SMAGP: variants seen among roughly 807,000 people sequenced by gnomAD.
SMAGP encodes the protein small cell adhesion glycoprotein.
SMAGP carries 7 observed loss-of-function variants against 10.1 expected under a neutral mutation model. The observed-to-expected ratio is 0.70, with a 90% CI of 0.40 to 1.31. SMAGP has a LOEUF of 1.31. Ranked by LOEUF, SMAGP falls within the 50% of genes most tolerant of loss-of-function variation. The pLI is 0.01. For synonymous variants in SMAGP, 49 were observed against 47.2 expected (o/e 1.04, Z -0.16); for missense variants, 113 against 116.5 (o/e 0.97, Z 0.14).
chr12:51,266,945 G>T (rs1435077371), intron 2 of SMAGP, among the ~76,000 whole-genome samples: 4 of 152,132 alleles, frequency 2.6e-5, no homozygotes, highest in African/African-American at 9.7e-5. Flanking sequence ...GCGAAACCCT[G>T]TCTCCACTAA....
At chr12:51,254,275 G>A (rs888424218) in intron 2 of SMAGP, among the ~76,000 whole-genome samples, 16 of 152,186 alleles carry the variant, frequency 1.1e-4, no homozygotes, top group African/African-American at 3.9e-4. Flanking sequence ...AAGGCCGGGC[G>A]CGGTGGCTCA....
chr12:51,269,388 G>A lies in SMAGP; in HGVS notation c.-38-72C>T, dbSNP rs1365555086. The A allele has an allele frequency of 3.2e-6, 4 of 1,252,334 alleles. No individual in the cohort carries two copies. The East Asian group carries it at 7.0e-5, about 22-fold the overall frequency. The allele number at this position is 1,252,334 out of a possible 1,614,324, so 77.6% of individuals were successfully genotyped here. On this transcript the variant is annotated intron_variant, in intron 1 of 3. Coordinates refer to ENST00000603798, the MANE Select transcript of SMAGP (RefSeq NM_001031628.2). ...TGGCTTTGAGTCCTGGAAGTCCCAGGAAAGCCTCTGGTGCCAGGTTCTCCC... is the reference window on the plus strand; with the variant it reads ...TGGCTTTGAGTCCTGGAAGTCCCAGAAAAGCCTCTGGTGCCAGGTTCTCCC...
intron 1 of SMAGP, chr12:51,269,642 G>T: frequency 4.7e-6 from 1 of 213,132 alleles, no homozygotes; most frequent in Non-Finnish European, 9.6e-6. Flanking sequence ...AGCGAACCCA[G>T]TTTCGCCAAA....
chr12:51,248,900 C>CAAAAAAAAAAA (rs545881552), intron 2 of SMAGP, among the ~76,000 whole-genome samples: 7 of 95,628 alleles, frequency 7.3e-5, no homozygotes, highest in Non-Finnish European at 9.9e-5. Flanking sequence ...AAAAATACCA[C>CAAAAAAAAAAA]AAAAAAAAAA....
intron 2 of SMAGP, among the ~76,000 whole-genome samples, chr12:51,262,789 G>A (rs1450021004): frequency 6.6e-6 from 1 of 152,132 alleles, no homozygotes; most frequent in African/African-American, 2.4e-5. Context: ...CTTGTTCCCA[G>A]CTTGAGCTAA....
chr12:51,264,991 A>T (rs184812336), intron 2 of SMAGP, among the ~76,000 whole-genome samples: 1,735 of 141,328 alleles, frequency 0.012, 79 homozygotes, highest in Admixed American at 0.082. Context: ...TCAATTTTTT[A>T]AAAAAAATTT....
rs985367848 is a variant in SMAGP, at chr12:51,269,140, A to G, written c.34+105T>C. 1.7e-5 allele frequency: 21 copies of G among 1,213,320 alleles called. No individual in the cohort carries two copies. In the African/African-American group the frequency reaches 2.8e-4, roughly 16 times the overall value. 75.2% of individuals were successfully genotyped at this position (1,213,320 alleles called of 1,614,324 possible). ...CCCTTCCTGTGTGAGGCAGGCAGAG[A>G]GAGGTGGGAGTCTTCCCACCTGGGC... On this transcript the variant is annotated intron_variant, in intron 2 of 3. Coordinates refer to ENST00000603798, the MANE Select transcript of SMAGP (RefSeq NM_001031628.2).
At chr12:51,267,574 A>T (rs1565661433) in intron 2 of SMAGP, among the ~76,000 whole-genome samples, 1 of 143,694 alleles carries the variant, frequency 7.0e-6, no homozygotes, top group Non-Finnish European at 1.5e-5. Context: ...GCTCATTGCA[A>T]CCTCCATCTC....
At chr12:51,270,101 T>C (rs1218106573) in intron 1 of SMAGP, 155 bp downstream of exon 1, 1 of 151,680 alleles carries the variant, frequency 6.6e-6, no homozygotes, top group Non-Finnish European at 1.5e-5. Flanking sequence ...GGCCGGTGCG[T>C]CGGGGAGCGG....
At chr12:51,269,511 C>T in intron 1 of SMAGP, 195 bp from the exon 2 acceptor site, 2 of 558,372 alleles carry the variant, frequency 3.6e-6, no homozygotes, top group Non-Finnish European at 6.4e-6. Flanking sequence ...AGGTCTGAGG[C>T]CGCATGCAGT....
intron 2 of SMAGP, among the ~76,000 whole-genome samples, chr12:51,266,428 G>A (rs1489000160): frequency 6.7e-6 from 1 of 149,224 alleles, no homozygotes; most frequent in Admixed American, 6.7e-5. Context: ...CCAACAAGAA[G>A]TGCTTCCTTT....
intron 2 of SMAGP, among the ~76,000 whole-genome samples, chr12:51,260,302 T>C (rs1237162907): frequency 6.6e-6 from 1 of 150,504 alleles, no homozygotes; most frequent in Non-Finnish European, 1.5e-5. Flanking sequence ...GCGATTCTCC[T>C]GCCTTAACCT....
intron 2 of SMAGP, chr12:51,251,610 A>T (rs1944839480): frequency 6.6e-6 from 1 of 151,734 alleles, no homozygotes; most frequent in Non-Finnish European, 1.5e-5. Context: ...AAAAAAAAGA[A>T]TAAAGGTGGG....
chr12:51,258,995 A>C (rs113687621), intron 2 of SMAGP, among the ~76,000 whole-genome samples: 8 of 145,618 alleles, frequency 5.5e-5, no homozygotes, highest in African/African-American at 1.9e-4. Context: ...AAAAAAAAAA[A>C]AAAAAAAAAA....
intron 2 of SMAGP, among the ~76,000 whole-genome samples, chr12:51,265,657 A>G (rs943320197): frequency 2.0e-5 from 3 of 152,248 alleles, no homozygotes; most frequent in Non-Finnish European, 4.4e-5. Flanking sequence ...TACCTAGAGC[A>G]GTCAAATTTA....
chr12:51,265,739 T>C (rs1013909399), intron 2 of SMAGP, among the ~76,000 whole-genome samples: 1 of 151,990 alleles, frequency 6.6e-6, no homozygotes, highest in Admixed American at 6.6e-5. Flanking sequence ...AAGTTTCGGT[T>C]TGGGAAGGTA....
chr12:51,267,808 CTT>C (rs1944989495), intron 2 of SMAGP, among the ~76,000 whole-genome samples: 1 of 152,108 alleles, frequency 6.6e-6, no homozygotes, highest in African/African-American at 2.4e-5. Context: ...TCTTTTATCT[CTT>C]CTCACCAGAC....
At position 51,246,070 on chromosome 12, in the gene SMAGP, G is replaced by A; in HGVS notation, c.165C>T (p.Ile55=). The A allele has an allele frequency of 2.5e-6, 4 of 1,613,940 alleles. No homozygotes were observed. Among genetic ancestry groups the A allele is most frequent in the Non-Finnish European group, 3.4e-6 (4 of 1,179,862 alleles). ...CTTTGTTCTTGTACAGGTAAAAGAA[G>A]ATCAAGATCACGACCGAGAGCAGGG... ...FLTLLSVVIL[I]FFYLYKNKGS... The change falls in exon 4 of 4, where the codon ATC becomes ATT. Residue 55 remains isoleucine (I), a synonymous_variant. Coordinates refer to ENST00000603798, the MANE Select transcript of SMAGP (RefSeq NM_001031628.2).
intron 1 of SMAGP, 78 bp from the exon 2 acceptor site, chr12:51,269,394 C>T (rs1432570641): frequency 1.0e-5 from 12 of 1,169,964 alleles, no homozygotes; most frequent in Non-Finnish European, 1.4e-5. Context: ...CCAGGAAAGC[C>T]TCTGGTGCCA....
Sources: gnomAD v4.1 joint callset for allele counts (sites outside exome capture counted in the v4.1 genomes callset) on GRCh38, gnomAD v4.1.1 for gene constraint, MANE v1.5 for transcripts, NCBI Gene and HGNC (gene_info 2026-07-23, HGNC 2026-07-21) for gene names.